The following FGF12 variants were observed in gnomAD, a reference collection of about 807,000 sequenced individuals.
The protein encoded by FGF12 is fibroblast growth factor 12.
Under a neutral mutation model 23.6 loss-of-function variants are expected in FGF12, and 14 were observed. The observed-to-expected ratio is 0.59, with a 90% confidence interval of 0.39 to 0.93. The LOEUF (loss-of-function observed/expected upper bound fraction) is 0.93. Among genes scored for constraint, FGF12 ranks in the 40% least tolerant of loss-of-function variants. The pLI is 0.00. For synonymous variants in FGF12, 62 were observed against 77.3 expected (o/e 0.80, Z 1.04); for missense variants, 175 against 217.8 (o/e 0.80, Z 1.24).
intron 4 of FGF12, among the ~76,000 whole-genome samples, chr3:192,297,977 T>C (rs1715137428): frequency 6.6e-6 from 1 of 152,172 alleles, no homozygotes; most frequent in Non-Finnish European, 1.5e-5. Flanking sequence ...TATTTCTGAA[T>C]ATAACACTGA....
rs867509261 is a variant in FGF12, at chr3:192,246,827, A to C, written c.229-76171T>G. ...GTGACAAGAGTGAAACTCCGTCAAA[A>C]AAAAAAAAAAAGGAGAGAGAGAGAG... On this transcript the variant is annotated intron_variant, in intron 4 of 5. Transcript: ENST00000445105. 8.4e-3 allele frequency among the ~76,000 whole-genome samples: 1,268 copies of C among 150,566 alleles called. 8 individuals carry two copies. The highest frequency in any genetic ancestry group is 0.021 in the African/African-American group (854 of 40,986).
chr3:192,417,569 T>G (rs774627865), intron 2 of FGF12, among the ~76,000 whole-genome samples: 7 of 152,118 alleles, frequency 4.6e-5, no homozygotes, highest in African/African-American at 1.7e-4. Flanking sequence ...CAATGTCACC[T>G]TAAGCAAAAC....
At chr3:192,322,516 A>ACACACACC (rs1308850437) in intron 4 of FGF12, among the ~76,000 whole-genome samples, 1 of 152,028 alleles carries the variant, frequency 6.6e-6, no homozygotes, top group Admixed American at 6.6e-5. Context: ...ACACACACAC[A>ACACACACC]CACACACCCC....
intron 2 of FGF12, among the ~76,000 whole-genome samples, chr3:192,657,194 G>T (rs1716460885): frequency 6.6e-6 from 1 of 151,298 alleles, no homozygotes; most frequent in Admixed American, 6.6e-5. Flanking sequence ...AACTTTATTT[G>T]ATATAACGTA....
chr3:192,324,078 C>T (rs573622421), intron 4 of FGF12, among the ~76,000 whole-genome samples: 8 of 151,554 alleles, frequency 5.3e-5, no homozygotes, highest in African/African-American at 1.7e-4. Flanking sequence ...GGCGACAGAG[C>T]GAGACTGTCT....
At chr3:192,458,043 T>C (rs890005581) in intron 2 of FGF12, among the ~76,000 whole-genome samples, 10 of 152,190 alleles carry the variant, frequency 6.6e-5, no homozygotes, top group Non-Finnish European at 1.3e-4. Context: ...AGCTTCCATG[T>C]GGTGTTGAGC....
chr3:192,426,716 T>G (rs757347980), intron 2 of FGF12, among the ~76,000 whole-genome samples: 1 of 152,216 alleles, frequency 6.6e-6, no homozygotes, highest in South Asian at 2.1e-4. Context: ...AGAGAGACTG[T>G]GAGCACATTT....
intron 2 of FGF12, among the ~76,000 whole-genome samples, chr3:192,410,245 G>C (rs1721154889): frequency 6.6e-6 from 1 of 152,156 alleles, no homozygotes; most frequent in Admixed American, 6.5e-5. Flanking sequence ...TCCGCTTCCA[G>C]ACTCCCTTCT....
chr3:192,395,142 C>T (rs1199411668), intron 2 of FGF12, among the ~76,000 whole-genome samples: 1 of 152,146 alleles, frequency 6.6e-6, no homozygotes, highest in Non-Finnish European at 1.5e-5. Context: ...GCTGCACCAC[C>T]CACTCCCTCT....
chr3:192,444,715 G>A (rs1722300785), intron 2 of FGF12, among the ~76,000 whole-genome samples: 1 of 152,204 alleles, frequency 6.6e-6, no homozygotes, highest in South Asian at 2.1e-4. Flanking sequence ...GGACATGAGG[G>A]AAATTGCTTC....
At chr3:192,508,491 A>G (rs1724377641) in intron 2 of FGF12, among the ~76,000 whole-genome samples, 1 of 152,180 alleles carries the variant, frequency 6.6e-6, no homozygotes, top group Admixed American at 6.5e-5. Flanking sequence ...TCTCTTTATA[A>G]CTCTGGTACC....
chr3:192,654,345 C>A (rs778254466), intron 2 of FGF12, among the ~76,000 whole-genome samples: 9 of 152,092 alleles, frequency 5.9e-5, no homozygotes, highest in Non-Finnish European at 1.2e-4. Flanking sequence ...TAATTGATTG[C>A]TACTAGAAAT....
chr3:192,363,757 CA>C (rs916045530), intron 2 of FGF12, among the ~76,000 whole-genome samples: 87 of 152,040 alleles, frequency 5.7e-4, no homozygotes, highest in African/African-American at 2.1e-3. Context: ...TGAGGAAAAC[CA>C]GAACATGTTT....
chr3:192,644,140 T>A (rs747648501), intron 2 of FGF12, among the ~76,000 whole-genome samples: 1 of 151,766 alleles, frequency 6.6e-6, no homozygotes, highest in Non-Finnish European at 1.5e-5. Flanking sequence ...CCCTAACAAT[T>A]TTTTTTAGTT....
intron 4 of FGF12, among the ~76,000 whole-genome samples, chr3:192,188,423 G>A (rs1193363781): frequency 6.6e-6 from 1 of 152,184 alleles, no homozygotes; most frequent in Non-Finnish European, 1.5e-5. Context: ...CCACTAGGTG[G>A]CGGGGTGGTG....
At chr3:192,507,707 G>GA (rs1182639343) in intron 2 of FGF12, among the ~76,000 whole-genome samples, 1 of 152,198 alleles carries the variant, frequency 6.6e-6, no homozygotes, top group Non-Finnish European at 1.5e-5. Context: ...TCACCAGGCT[G>GA]AAAGGGCTAT....
intron 2 of FGF12, among the ~76,000 whole-genome samples, chr3:192,707,359 C>T (rs1718503294): frequency 6.6e-6 from 1 of 152,066 alleles, no homozygotes; most frequent in African/African-American, 2.4e-5. Flanking sequence ...AATGGCACAT[C>T]CAGTCTTTGT....
chr3:192,369,146 C>T (rs1719113750), intron 2 of FGF12, among the ~76,000 whole-genome samples: 4 of 152,192 alleles, frequency 2.6e-5, no homozygotes, highest in African/African-American at 9.6e-5. Flanking sequence ...TATCCCAGCA[C>T]CTAACACAGT....
intron 2 of FGF12, among the ~76,000 whole-genome samples, chr3:192,490,113 T>C (rs191023028): frequency 1.7e-4 from 26 of 152,280 alleles, no homozygotes; most frequent in Admixed American, 1.4e-3. Context: ...AATACTTTTC[T>C]AAGTGATACA....
Sources: allele counts gnomAD v4.1 joint callset (sites outside exome capture counted in the v4.1 genomes callset), GRCh38; gene constraint gnomAD v4.1.1; transcripts MANE v1.5; gene names NCBI Gene and HGNC (gene_info 2026-07-23, HGNC 2026-07-21).